Variants in DPYS observed in about 807,000 individuals in gnomAD.
The protein encoded by DPYS is dihydropyrimidine amidohydrolase.
DPYS carries 39 observed loss-of-function variants against 50.3 expected under a neutral mutation model. That is an observed-to-expected ratio of 0.78 (90% confidence interval 0.60 to 1.01). The LOEUF (loss-of-function observed/expected upper bound fraction) is 1.01, where lower values mean the gene tolerates loss of function less well. Among genes scored for constraint, DPYS ranks in the 50% least tolerant of loss-of-function variants. The pLI is 0.00. For missense variants in DPYS, 659 were observed against 680.9 expected (o/e 0.97, Z 0.36); for synonymous variants, 245 against 250.7 (o/e 0.98, Z 0.22).
intron 8 of DPYS, among the ~76,000 whole-genome samples, chr8:104,386,012 C>A (rs1271134332): frequency 6.6e-6 from 1 of 152,186 alleles, no homozygotes; most frequent in Non-Finnish European, 1.5e-5. Context: ...CCTCACCTAG[C>A]AGGACATCGG....
intron 7 of DPYS, among the ~76,000 whole-genome samples, chr8:104,416,915 C>A (rs912392170): frequency 2.8e-4 from 43 of 152,102 alleles, no homozygotes; most frequent in African/African-American, 1.0e-3. Context: ...ATTCTTCCCC[C>A]GCTTTATTTC....
In DPYS at chr8:104,453,104, A is replaced by G. The variant is rs546016469; in HGVS notation, c.265-1700T>C. 3.3e-5 allele frequency among the ~76,000 whole-genome samples: 5 copies of G among 152,100 alleles called. No homozygotes were observed. In the East Asian group the frequency reaches 9.7e-4, roughly 29 times the overall value. ...ATGTCCTACCTGATATGCCAGCTCT[A>G]TTCTACTCCCACTTTTCTTGCTTAC... On this transcript the variant is annotated intron_variant, in intron 1 of 9. Transcript: ENST00000351513.
At chr8:104,392,539 G>T (rs900408399) in intron 8 of DPYS, among the ~76,000 whole-genome samples, 7 of 152,102 alleles carry the variant, frequency 4.6e-5, no homozygotes. Flanking sequence ...GCCCCCACCA[G>T]ATTACCCCAC....
intron 4 of DPYS, among the ~76,000 whole-genome samples, chr8:104,438,966 G>A (rs1240985859): frequency 6.6e-6 from 1 of 152,016 alleles, no homozygotes; most frequent in Non-Finnish European, 1.5e-5. Context: ...CCACCCTGGA[G>A]GCTGAGGCAG....
intron 8 of DPYS, among the ~76,000 whole-genome samples, chr8:104,389,543 T>TATTTA: frequency 6.7e-6 from 1 of 149,094 alleles, no homozygotes; most frequent in South Asian, 2.1e-4. Context: ...CCTTTTATTT[T>TATTTA]TTTTTTTTTG....
intron 1 of DPYS, among the ~76,000 whole-genome samples, chr8:104,464,217 T>C (rs150631696): frequency 6.6e-6 from 1 of 152,228 alleles, no homozygotes; most frequent in East Asian, 1.9e-4. Context: ...CTTTGAGATG[T>C]TGACAACAGA....
At chr8:104,416,775 G>A (rs949620476) in intron 7 of DPYS, among the ~76,000 whole-genome samples, 2 of 152,118 alleles carry the variant, frequency 1.3e-5, no homozygotes, top group African/African-American at 2.4e-5. Flanking sequence ...CATAGCTTCT[G>A]TGAAACAGTC....
chr8:104,416,527 T>C (rs1812374436), intron 7 of DPYS, among the ~76,000 whole-genome samples: 1 of 152,158 alleles, frequency 6.6e-6, no homozygotes, highest in African/African-American at 2.4e-5. Context: ...CACACTGGGA[T>C]GCTTGTGGGT....
intron 4 of DPYS, among the ~76,000 whole-genome samples, chr8:104,440,185 A>G (rs1166413306): frequency 6.6e-6 from 1 of 152,324 alleles, no homozygotes; most frequent in Admixed American, 6.5e-5. Flanking sequence ...AGTTGTTATC[A>G]TTACTATCCC....
At chr8:104,443,337 CATACTAGGCT>C (rs1284878503) in intron 4 of DPYS, among the ~76,000 whole-genome samples, 2 of 151,710 alleles carry the variant, frequency 1.3e-5, no homozygotes, top group Non-Finnish European at 2.9e-5. Context: ...CTAGGCTGAA[CATACTAGGCT>C]GAACCAGAGA....
chr8:104,446,537 C>T (rs1348991844), intron 3 of DPYS, among the ~76,000 whole-genome samples: 1 of 152,224 alleles, frequency 6.6e-6, no homozygotes. Flanking sequence ...AAAGAGCATG[C>T]AGTCCAGACT....
intron 8 of DPYS, among the ~76,000 whole-genome samples, chr8:104,388,293 A>C (rs1304449492): frequency 6.6e-6 from 1 of 151,866 alleles, no homozygotes; most frequent in African/African-American, 2.4e-5. Context: ...ACCATACATC[A>C]CTCCATGAAG....
intron 4 of DPYS, 126 bp downstream of exon 4, chr8:104,444,122 A>C (rs554701919): frequency 9.3e-7 from 1 of 1,072,676 alleles, no homozygotes; most frequent in South Asian, 1.3e-5. Flanking sequence ...AGGCTAATAA[A>C]AAGGGAGGAA....
At chr8:104,420,555 T>C (rs1276319339) in intron 7 of DPYS, 1 of 152,092 alleles carries the variant, frequency 6.6e-6, no homozygotes, top group Non-Finnish European at 1.5e-5. Flanking sequence ...ATAATGATAG[T>C]GCAAAAACAT....
intron 7 of DPYS, among the ~76,000 whole-genome samples, chr8:104,404,893 A>T (rs1013885636): frequency 3.9e-5 from 6 of 152,266 alleles, no homozygotes; most frequent in African/African-American, 1.4e-4. Context: ...TCTTTACAAA[A>T]AGTTTGCTCT....
chr8:104,454,105 G>T (rs895467201), intron 1 of DPYS, among the ~76,000 whole-genome samples: 1 of 152,186 alleles, frequency 6.6e-6, no homozygotes, highest in Non-Finnish European at 1.5e-5. Flanking sequence ...AAGTGTTCTG[G>T]CTGGGCATGG....
intron 7 of DPYS, among the ~76,000 whole-genome samples, chr8:104,403,999 G>A (rs541956572): frequency 6.6e-6 from 1 of 152,216 alleles, no homozygotes; most frequent in Admixed American, 6.5e-5. Context: ...CAGCTGAAGG[G>A]GCACTCAGAA....
rs183180679 is a variant in DPYS, at chr8:104,404,273, C to T, written c.1236-11282G>A. Among the ~76,000 whole-genome samples the T allele has an allele frequency of 5.3e-5, 8 of 152,232 alleles. 1 individual carries two copies. The East Asian group carries it at 1.5e-3, about 29-fold the overall frequency. On this transcript the variant is annotated intron_variant, in intron 7 of 9. Transcript: ENST00000351513. ...AAAAAGGGTTCCCAGCTCATTTGAA[C>T]CTCAACGCAGGGTCTGTAAGCTGTT...
chr8:104,405,829 G>C (rs1811978257), intron 7 of DPYS, among the ~76,000 whole-genome samples: 1 of 152,238 alleles, frequency 6.6e-6, no homozygotes, highest in Non-Finnish European at 1.5e-5. Context: ...CCATGCTGGA[G>C]GGGGTGGAGG....
Sources: gnomAD v4.1 joint callset for allele counts (sites outside exome capture counted in the v4.1 genomes callset) on GRCh38, gnomAD v4.1.1 for gene constraint, MANE v1.5 for transcripts, NCBI Gene and HGNC (gene_info 2026-07-23, HGNC 2026-07-21) for gene names.